Variants in THEMIS observed in about 807,000 individuals in gnomAD.
THEMIS encodes protein THEMIS.
A neutral mutation model predicts 52.6 loss-of-function variants in THEMIS; 37 were observed. The ratio of observed to expected loss-of-function variants is 0.70; its 90% CI spans 0.54 to 0.93. The LOEUF is 0.93. Among genes scored for constraint, THEMIS ranks in the 40% least tolerant of loss-of-function variants. The probability of loss-of-function intolerance (pLI) is 0.00; values close to 1 mark genes in which losing one functional copy is unlikely to be tolerated. For synonymous variants in THEMIS, 292 were observed against 272.7 expected (o/e 1.07, Z -0.70); for missense variants, 808 against 763.1 (o/e 1.06, Z -0.69).
rs554633940 is a variant in THEMIS, at chr6:127,766,683, C to CT, written c.1758+46199dup. 1.7e-4 allele frequency among the ~76,000 whole-genome samples: 26 copies of CT among 152,188 alleles called. No individual in the cohort carries two copies. In the South Asian group the frequency reaches 5.2e-3, roughly 30 times the overall value. On this transcript the variant is annotated intron_variant, in intron 4 of 5. Coordinates refer to ENST00000368248, the MANE Select transcript of THEMIS (RefSeq NM_001010923.3). The stretch of plus-strand genomic sequence containing the variant: ...GTATATTATGTTCCTGTACTGAATA[C>CT]TCTAGGCAGTGGTAACACAATGGTA...
chr6:127,777,200 T>C (rs1022806572), intron 4 of THEMIS, among the ~76,000 whole-genome samples: 1 of 144,136 alleles, frequency 6.9e-6, no homozygotes, highest in Non-Finnish European at 1.6e-5. Flanking sequence ...TTTTTTTTTT[T>C]CTGTTTGTTT....
intron 1 of THEMIS, among the ~76,000 whole-genome samples, chr6:127,856,557 G>A (rs1779625472): frequency 6.6e-6 from 1 of 151,746 alleles, no homozygotes; most frequent in Non-Finnish European, 1.5e-5. Flanking sequence ...AGGCAGAGTG[G>A]GTATGAAAAT....
intron 1 of THEMIS, among the ~76,000 whole-genome samples, chr6:127,875,450 G>T (rs1255238721): frequency 6.6e-6 from 1 of 152,150 alleles, no homozygotes. Flanking sequence ...AGGGAGAAAG[G>T]CGAGTAGGTT....
chr6:127,911,406 A>C (rs1284715868), intron 1 of THEMIS, among the ~76,000 whole-genome samples: 2 of 150,708 alleles, frequency 1.3e-5, no homozygotes, highest in Non-Finnish European at 2.9e-5. Context: ...GCATGGGTTT[A>C]TGGATATATA....
In THEMIS at chr6:127,728,841, C is replaced by T. The variant is rs147927726; in HGVS notation, c.1759-9018G>A. 1.8e-4 allele frequency among the ~76,000 whole-genome samples: 27 copies of T among 152,102 alleles called. 1 individual carries two copies. In the East Asian group the frequency reaches 5.2e-3, roughly 29 times the overall value. On this transcript the variant is annotated intron_variant, in intron 4 of 5. Coordinates refer to ENST00000368248, the MANE Select transcript of THEMIS (RefSeq NM_001010923.3). ...AGCGGATAGACAAGGTAAAGTAGGG[C>T]AAGAAGGTTGCAATTTTAGATAGTT...
intron 4 of THEMIS, among the ~76,000 whole-genome samples, chr6:127,736,637 C>T (rs1775015254): frequency 6.6e-6 from 1 of 152,150 alleles, no homozygotes; most frequent in Non-Finnish European, 1.5e-5. Context: ...TAAACAATAT[C>T]CTCAAATGCA....
At chr6:127,710,531 C>G (rs1470352586) in intron 5 of THEMIS, among the ~76,000 whole-genome samples, 3 of 151,904 alleles carry the variant, frequency 2.0e-5, no homozygotes, top group Non-Finnish European at 4.4e-5. Flanking sequence ...AAAAAGGTAC[C>G]TAATAATTGT....
intron 4 of THEMIS, among the ~76,000 whole-genome samples, chr6:127,768,360 C>G (rs1468023595): frequency 6.6e-6 from 1 of 152,166 alleles, no homozygotes; most frequent in Non-Finnish European, 1.5e-5. Context: ...TTTCCCTCCC[C>G]TTGCCTCTGT....
chr6:127,736,860 A>G (rs1269210890), intron 4 of THEMIS, among the ~76,000 whole-genome samples: 1 of 151,578 alleles, frequency 6.6e-6, no homozygotes, highest in African/African-American at 2.4e-5. Flanking sequence ...TCAAAAAAAA[A>G]AAAAAAAGAA....
upstream of THEMIS, among the ~76,000 whole-genome samples, chr6:127,902,848 G>A (rs922929888): frequency 3.9e-5 from 6 of 151,912 alleles, no homozygotes; most frequent in Admixed American, 6.6e-5. Context: ...TTATGAATCC[G>A]TTAGAACTGA....
chr6:127,895,549 A>G (rs896692516), intron 1 of THEMIS, among the ~76,000 whole-genome samples: 11 of 151,720 alleles, frequency 7.3e-5, no homozygotes, highest in East Asian at 1.9e-4. Flanking sequence ...TACACATGAT[A>G]TAAGTATGTG....
At chr6:127,725,365 C>T (rs1008970148) in intron 4 of THEMIS, among the ~76,000 whole-genome samples, 2 of 151,922 alleles carry the variant, frequency 1.3e-5, no homozygotes, top group East Asian at 3.9e-4. Flanking sequence ...ACATCAAATA[C>T]AGGCTTGCTG....
At chr6:127,890,749 T>C (rs1010218031) in intron 1 of THEMIS, among the ~76,000 whole-genome samples, 1 of 152,072 alleles carries the variant, frequency 6.6e-6, no homozygotes, top group African/African-American at 2.4e-5. Context: ...GTTGTTACAA[T>C]AGAATTAACA....
chr6:127,818,070 A>G lies in THEMIS; in HGVS notation c.710-4139T>C, dbSNP rs142804033. Among the ~76,000 whole-genome samples, 236 of 152,306 alleles carry G rather than the reference A, an allele frequency of 1.5e-3. 2 individuals are homozygous for G. The highest frequency in any genetic ancestry group is 2.4e-3 in the Admixed American group (36 of 15,310). ...ACCAGAGACTAACTATCATGGGGGA[A>G]GGGAATTACCCAACCAAGCCACCTC... On this transcript the variant is annotated intron_variant, in intron 3 of 5. Transcript: ENST00000368248.
At chr6:127,911,730 A>T (rs1781416093) in intron 1 of THEMIS, among the ~76,000 whole-genome samples, 1 of 151,324 alleles carries the variant, frequency 6.6e-6, no homozygotes, top group Admixed American at 6.6e-5. Context: ...ATTTCAAAGG[A>T]TGTATGGAAA....
At chr6:127,854,741 C>G (rs969009592) in intron 2 of THEMIS, among the ~76,000 whole-genome samples, 12 of 151,750 alleles carry the variant, frequency 7.9e-5, no homozygotes, top group Admixed American at 4.6e-4. Flanking sequence ...TCTTGGTTCT[C>G]ATTATTTAGC....
intron 4 of THEMIS, among the ~76,000 whole-genome samples, chr6:127,792,112 G>A (rs1031625043): frequency 2.0e-5 from 3 of 152,198 alleles, no homozygotes; most frequent in South Asian, 2.1e-4. Context: ...GTTCTATGGA[G>A]CACTCAGCCC....
intron 3 of THEMIS, among the ~76,000 whole-genome samples, chr6:127,825,796 T>C (rs2114648416): frequency 6.6e-6 from 1 of 152,280 alleles, no homozygotes; most frequent in South Asian, 2.1e-4. Flanking sequence ...TTGGGTTCTT[T>C]GAAAAATTAC....
chr6:127,798,373 C>CT (rs1333294823), intron 4 of THEMIS, among the ~76,000 whole-genome samples: 1 of 151,730 alleles, frequency 6.6e-6, no homozygotes, highest in African/African-American at 2.4e-5. Context: ...TATTATTATA[C>CT]TTTAAGTTTT....
Sources: gnomAD v4.1 joint callset for allele counts (sites outside exome capture counted in the v4.1 genomes callset) on GRCh38, gnomAD v4.1.1 for gene constraint, MANE v1.5 for transcripts, NCBI Gene and HGNC (gene_info 2026-07-23, HGNC 2026-07-21) for gene names.